SNX31: variants seen among roughly 807,000 people sequenced by gnomAD.
The protein encoded by SNX31 is sorting nexin-31.
Under a neutral mutation model 65.4 loss-of-function variants are expected in SNX31, and 58 were observed. That is an observed-to-expected ratio of 0.89 (90% CI 0.72 to 1.10). SNX31 has a LOEUF of 1.10. Ranked by LOEUF, SNX31 falls within the 50% of genes least tolerant of loss-of-function variation. The pLI is 0.00. For synonymous variants in SNX31, 181 were observed against 190.1 expected, an observed-to-expected ratio of 0.95 and a Z score of 0.39; for missense variants, 523 against 529.7, an observed-to-expected ratio of 0.99 and a Z score of 0.12.
intron 10 of SNX31, among the ~76,000 whole-genome samples, chr8:100,595,730 C>T (rs1359836535): frequency 3.9e-5 from 6 of 152,126 alleles, no homozygotes; most frequent in African/African-American, 1.4e-4. Flanking sequence ...TGGAAAAGGA[C>T]TCGTCTGCTT....
chr8:100,655,091 G>A (rs552133025), intron 1 of SNX31, among the ~76,000 whole-genome samples: 50 of 152,280 alleles, frequency 3.3e-4, no homozygotes, highest in African/African-American at 1.2e-3. Flanking sequence ...AGAGGAGGCA[G>A]ACAATATTCA....
intron 2 of SNX31, among the ~76,000 whole-genome samples, chr8:100,641,800 C>T (rs1307488382): frequency 2.0e-5 from 3 of 149,746 alleles, no homozygotes; most frequent in Non-Finnish European, 4.4e-5. Flanking sequence ...TATTATAGGC[C>T]GGGCGTGGTG....
rs190513842 is a variant in SNX31, at chr8:100,610,731, T to C, written c.611+1269A>G. Among the ~76,000 whole-genome samples the C allele has an allele frequency of 6.6e-6, 1 of 152,224 alleles. No individual in the cohort carries two copies. The highest frequency in any genetic ancestry group is 2.4e-5 in the African/African-American group (1 of 41,456). On this transcript the variant is annotated intron_variant, in intron 7 of 13. Coordinates refer to ENST00000311812, the MANE Select transcript of SNX31 (RefSeq NM_152628.4). The surrounding 1 kb of genome is among the most constrained non-coding windows in gnomAD (Gnocchi z 4.0). ...CTTCTCAGGGTTTCACATCTCAAGA[T>C]CTGGACCATTCCTCAGGATACTTCT... is the stretch of plus-strand genomic sequence containing the variant.
intron 1 of SNX31, among the ~76,000 whole-genome samples, chr8:100,662,331 A>G (rs1809801569): frequency 6.6e-6 from 1 of 152,264 alleles, no homozygotes; most frequent in Non-Finnish European, 1.5e-5. Flanking sequence ...ATCACTCAGC[A>G]ATGCCTGTCA....
chr8:100,615,873 C>T (rs1054143268), intron 5 of SNX31, among the ~76,000 whole-genome samples: 1 of 152,086 alleles, frequency 6.6e-6, no homozygotes, highest in Non-Finnish European at 1.5e-5. Flanking sequence ...GGGTTCACGC[C>T]ATTCTCCTGC....
At chr8:100,639,746 A>ATGCC (rs1472763430) in intron 2 of SNX31, among the ~76,000 whole-genome samples, 7 of 152,214 alleles carry the variant, frequency 4.6e-5, no homozygotes, top group Non-Finnish European at 8.8e-5. Context: ...GTAACAATGA[A>ATGCC]CATATCTAGT....
upstream of SNX31, among the ~76,000 whole-genome samples, chr8:100,653,106 C>G (rs187820093): frequency 1.3e-5 from 2 of 152,316 alleles, no homozygotes; most frequent in African/African-American, 4.8e-5. Flanking sequence ...CCTCCTCACT[C>G]TCTTGAGGTT....
At chr8:100,574,630 TAA>T (rs34042673) in intron 13 of SNX31, among the ~76,000 whole-genome samples, 21 of 132,048 alleles carry the variant, frequency 1.6e-4, no homozygotes, top group Admixed American at 1.5e-4. Context: ...AGACTCCGTC[TAA>T]AAAAAAAAAA....
In SNX31 at chr8:100,662,806, A is replaced by C. The variant is rs188867372; in HGVS notation, c.-58+336T>G. Among the ~76,000 whole-genome samples, 907 of 152,358 alleles carry C rather than the reference A, an allele frequency of 6.0e-3. 12 individuals carry two copies. Among genetic ancestry groups the C allele is most frequent in the Admixed American group, 0.034 (519 of 15,298 alleles). Reference sequence around the variant, plus strand: ...AATTTCAGCTGTTGCTTGAATGGAGAGCATTTTGAGGTAGGAATTTGCTCA... The same window carrying C: ...AATTTCAGCTGTTGCTTGAATGGAGCGCATTTTGAGGTAGGAATTTGCTCA... On this transcript the variant is annotated intron_variant, in intron 1 of 5. Transcript: ENST00000520352.
chr8:100,580,592 A>G (rs1434262141), intron 12 of SNX31, among the ~76,000 whole-genome samples: 3 of 152,216 alleles, frequency 2.0e-5, no homozygotes, highest in African/African-American at 7.2e-5. Flanking sequence ...ACCCTGCTTC[A>G]TATTTTCCTC....
In SNX31 at chr8:100,614,662, G is replaced by T. The variant is rs1364001878; in HGVS notation, c.433-1577C>A. On this transcript the variant is annotated intron_variant, in intron 5 of 13. Coordinates refer to ENST00000311812, the MANE Select transcript of SNX31 (RefSeq NM_152628.4). This position sits in a 1 kb window ranked among gnomAD's most constrained non-coding sequence, Gnocchi z 5.1. ...GGCTGAGGCGGGTTGATCACCTAAG[G>T]TCAGGAGTTCAAAACCAGCCTGGCC... Among the ~76,000 whole-genome samples, 1 of 152,018 alleles carries T rather than the reference G, an allele frequency of 6.6e-6. No individual in the cohort carries two copies. Among genetic ancestry groups the T allele is most frequent in the Non-Finnish European group, 1.5e-5 (1 of 68,002 alleles).
At position 100,622,272 on chromosome 8, in the gene SNX31, A is replaced by G. The variant is rs1817749526; in HGVS notation, c.322-4542T>C. Among the ~76,000 whole-genome samples the G allele has an allele frequency of 6.6e-6, 1 of 152,222 alleles. No homozygotes were observed. The highest frequency in any genetic ancestry group is 2.4e-5 in the African/African-American group (1 of 41,458). ...TTTATCTTGAAGAGTGCCCTGTACA[A>G]GTAGACATTTAATAATCTTGGTTCC... is the stretch of plus-strand genomic sequence containing the variant. On this transcript the variant is annotated intron_variant, in intron 4 of 13. Transcript: ENST00000311812. The surrounding 1 kb of genome is among the most constrained non-coding windows in gnomAD (Gnocchi z 5.0).
At chr8:100,591,028 A>G (rs1814523322) in intron 10 of SNX31, among the ~76,000 whole-genome samples, 1 of 152,178 alleles carries the variant, frequency 6.6e-6, no homozygotes, top group African/African-American at 2.4e-5. Context: ...CAAGAAGTTG[A>G]GATTGGAATT....
upstream of SNX31, among the ~76,000 whole-genome samples, chr8:100,652,023 G>A (rs1265395603): frequency 6.6e-6 from 1 of 152,052 alleles, no homozygotes; most frequent in Non-Finnish European, 1.5e-5. Flanking sequence ...CAGTCACCCA[G>A]GCCGGAGTGC....
At position 100,656,589 on chromosome 8, in the gene SNX31, C is replaced by T. The variant is rs918935990; in HGVS notation, c.-58+6553G>A. 7.9e-4 allele frequency among the ~76,000 whole-genome samples: 103 copies of T among 130,744 alleles called. 1 individual carries two copies. In the Admixed American group the frequency reaches 9.3e-3, roughly 12 times the overall value. 85.8% of individuals were successfully genotyped at this position (130,744 alleles called of 152,430 possible). A position where few individuals can be genotyped will look rare whatever the true frequency, so the allele number is the denominator to read the frequency against. On this transcript the variant is annotated intron_variant, in intron 1 of 5. Transcript: ENST00000520352. ...CTGGGAGGCGGAGGTTGCAGTGAGC[C>T]GAGATAACGCCACTGCACTCCAGCC...
At chr8:100,577,835 G>C (rs74505112) in intron 12 of SNX31, among the ~76,000 whole-genome samples, 1 of 152,050 alleles carries the variant, frequency 6.6e-6, no homozygotes, top group Non-Finnish European at 1.5e-5. Context: ...GACCCAGCAG[G>C]TTCCAACATG....
chr8:100,576,455 G>T lies in SNX31; in HGVS notation c.1227+564C>A, dbSNP rs1205156090. ...ATCTTTGACTGCTGTGCAACCTTGG[G>T]CAGGTCACAAAACCTCTCTGTGCAC... On this transcript the variant is annotated intron_variant, in intron 13 of 13. Transcript: ENST00000311812. The surrounding 1 kb of genome is among the most constrained non-coding windows in gnomAD (Gnocchi z 4.8). Among the ~76,000 whole-genome samples the T allele has an allele frequency of 5.3e-5, 8 of 152,130 alleles. No homozygotes were observed. Among genetic ancestry groups the T allele is most frequent in the African/African-American group, 1.9e-4 (8 of 41,418 alleles).
rs754383772 is a variant in SNX31 at position 100,608,491 on chromosome 8, C to T, written c.681+3G>A. 1.9e-6 allele frequency: 3 copies of T among 1,614,060 alleles called. No individual in the cohort carries two copies. Among genetic ancestry groups the T allele is most frequent in the Non-Finnish European group, 2.5e-6 (3 of 1,179,944 alleles). On this transcript the variant is annotated splice_donor_region_variant and intron_variant, in intron 8 of 13. Transcript: ENST00000311812. ...TGCTGTCTGAGCTCTTGGTGACCCTCACCTGCATGTAGAGCAAATCTACCG... is the reference window on the plus strand; with the variant it reads ...TGCTGTCTGAGCTCTTGGTGACCCTTACCTGCATGTAGAGCAAATCTACCG...
upstream of SNX31, among the ~76,000 whole-genome samples, chr8:100,653,501 G>T (rs1369836583): frequency 6.6e-6 from 1 of 152,192 alleles, no homozygotes; most frequent in Non-Finnish European, 1.5e-5. Flanking sequence ...AGAGGAGAAG[G>T]CCACATGAAG....
Sources: gnomAD v4.1 joint callset for allele counts (sites outside exome capture counted in the v4.1 genomes callset) on GRCh38, gnomAD v4.1.1 for gene constraint, Gnocchi (gnomAD v3.1) non-coding constraint, MANE v1.5 for transcripts, NCBI Gene and HGNC (gene_info 2026-07-23, HGNC 2026-07-21) for gene names.